Variants in NCOA2 observed in about 807,000 individuals in gnomAD.
The protein encoded by NCOA2 is nuclear receptor coactivator 2.
In NCOA2, 21 loss-of-function variants were observed where a neutral mutation model predicts 145.1. The observed-to-expected ratio is 0.14, with a 90% CI of 0.10 to 0.21. The LOEUF is 0.21. NCOA2 is among the 10% of genes least tolerant of loss of function. The pLI, the probability that NCOA2 is intolerant of heterozygous loss-of-function variation, is 1.00. For missense variants in NCOA2, 1,472 were observed against 1,837.6 expected, an observed-to-expected ratio of 0.80 and a Z score of 3.64; for synonymous variants, 619 against 637.5, an observed-to-expected ratio of 0.97 and a Z score of 0.44.
chr8:70,446,891 A>T, the NCOA2 span, among the ~76,000 whole-genome samples: 1 of 152,210 alleles, frequency 6.6e-6, no homozygotes, highest in Non-Finnish European at 1.5e-5. Flanking sequence ...AAATGCAACA[A>T]AGCCTTCACG....
chr8:70,128,619 G>A (rs1243044771), intron 17 of NCOA2, 83 bp downstream of exon 17: 1 of 1,588,748 alleles, frequency 6.3e-7, no homozygotes, highest in Non-Finnish European at 8.6e-7. Flanking sequence ...GCACATTGTT[G>A]GACAGCTGTG....
intron 1 of NCOA2, among the ~76,000 whole-genome samples, chr8:70,358,684 T>G (rs1809955134): frequency 6.6e-6 from 1 of 152,116 alleles, no homozygotes; most frequent in Non-Finnish European, 1.5e-5. Context: ...AGGCCAAATC[T>G]TTACAACCTT....
intron 1 of NCOA2, among the ~76,000 whole-genome samples, chr8:70,318,116 A>G (rs1202711850): frequency 6.6e-6 from 1 of 152,222 alleles, no homozygotes; most frequent in East Asian, 1.9e-4. Flanking sequence ...TTAGGCCCTC[A>G]GGTCAAGCCG....
chr8:70,348,440 G>A lies in NCOA2; in HGVS notation c.-76-51640C>T, dbSNP rs763275532. Among the ~76,000 whole-genome samples, 156 of 152,094 alleles carry A rather than the reference G, an allele frequency of 1.0e-3. 1 individual carries two copies. The highest frequency in any genetic ancestry group is 1.9e-3 in the Non-Finnish European group (131 of 68,002). ...CAGCTATGAGAACTACGTAATTTGGGGCTAAAGAGTGGTACAAAATTACTG... is the reference window on the plus strand; with the variant it reads ...CAGCTATGAGAACTACGTAATTTGGAGCTAAAGAGTGGTACAAAATTACTG... On this transcript the variant is annotated intron_variant, in intron 1 of 22. Coordinates refer to ENST00000452400, the MANE Select transcript of NCOA2 (RefSeq NM_006540.4).
chr8:70,126,617 GC>G (rs1414207049), intron 19 of NCOA2, 195 bp downstream of exon 19: 2 of 597,228 alleles, frequency 3.3e-6, no homozygotes, highest in Non-Finnish European at 6.0e-6. Flanking sequence ...TGAGCTGAGA[GC>G]CTGGAAGGTA....
intron 13 of NCOA2, among the ~76,000 whole-genome samples, chr8:70,141,661 A>T (rs934453604): frequency 2.0e-5 from 3 of 152,198 alleles, no homozygotes; most frequent in African/African-American, 7.2e-5. Context: ...ACTTAGAAAC[A>T]GGTGCCGTGG....
At chr8:70,178,785 G>A (rs983375374) in intron 4 of NCOA2, among the ~76,000 whole-genome samples, 3 of 152,188 alleles carry the variant, frequency 2.0e-5, no homozygotes, top group African/African-American at 7.2e-5. Flanking sequence ...ATATGCAAGT[G>A]GACAGCAAGA....
chr8:70,263,144 T>C (rs191554163), intron 2 of NCOA2, among the ~76,000 whole-genome samples: 34 of 147,374 alleles, frequency 2.3e-4, no homozygotes, highest in African/African-American at 7.3e-4. Context: ...CAAATAAGGG[T>C]CACTGGAACA....
At chr8:70,200,237 G>A (rs540835852) in intron 4 of NCOA2, among the ~76,000 whole-genome samples, 5 of 152,096 alleles carry the variant, frequency 3.3e-5, no homozygotes, top group Non-Finnish European at 7.4e-5. Flanking sequence ...ATTCAGAGGG[G>A]TGACTGCATA....
intron 2 of NCOA2, among the ~76,000 whole-genome samples, chr8:70,260,787 T>C (rs1463520483): frequency 3.9e-5 from 6 of 152,178 alleles, no homozygotes; most frequent in Non-Finnish European, 8.8e-5. Flanking sequence ...CCTTAAAAAA[T>C]GGACTGTCTG....
chr8:70,319,598 T>C (rs1199349781), intron 1 of NCOA2, among the ~76,000 whole-genome samples: 1 of 151,620 alleles, frequency 6.6e-6, no homozygotes, highest in Non-Finnish European at 1.5e-5. Flanking sequence ...TTTTAAAAAG[T>C]GATGCTTAAA....
At chr8:70,454,768 C>T in the NCOA2 span, among the ~76,000 whole-genome samples, 1 of 152,184 alleles carries the variant, frequency 6.6e-6, no homozygotes, top group South Asian at 2.1e-4. Context: ...ATGTGAGGCA[C>T]ATTTTGTGAG....
intron 1 of NCOA2, among the ~76,000 whole-genome samples, chr8:70,384,209 G>C (rs1353210765): frequency 1.3e-5 from 2 of 151,768 alleles, no homozygotes; most frequent in African/African-American, 4.8e-5. Flanking sequence ...GCTTTCCATG[G>C]TGATTCAAGT....
chr8:70,235,674 T>C (rs1821531538), intron 2 of NCOA2, among the ~76,000 whole-genome samples: 1 of 151,984 alleles, frequency 6.6e-6, no homozygotes. Context: ...CAAGACCTTG[T>C]CTCTACAAAA....
At chr8:70,287,874 C>T (rs16936880) in intron 2 of NCOA2, among the ~76,000 whole-genome samples, 27,682 of 152,066 alleles carry the variant, frequency 0.18, 3,403 homozygotes, top group East Asian at 0.4. Context: ...CAAAGTCAGC[C>T]TGAAACTTTA....
the NCOA2 span, chr8:70,424,484 C>T: frequency 3.8e-6 from 2 of 523,442 alleles, no homozygotes; most frequent in South Asian, 2.9e-5. Flanking sequence ...CCCTCAATGG[C>T]AGTGATGGCA....
At chr8:70,297,467 A>G (rs1414920238) in intron 1 of NCOA2, among the ~76,000 whole-genome samples, 4 of 152,138 alleles carry the variant, frequency 2.6e-5, no homozygotes, top group Admixed American at 2.6e-4. Flanking sequence ...CCAAGTAGCC[A>G]GGACTACAGG....
At chr8:70,236,857 T>A (rs189908575) in intron 2 of NCOA2, among the ~76,000 whole-genome samples, 1 of 152,316 alleles carries the variant, frequency 6.6e-6, no homozygotes, top group Non-Finnish European at 1.5e-5. Context: ...ATTGGTGGAC[T>A]TGGGTCTCCA....
chr8:70,144,770 C>T lies in NCOA2; in HGVS notation c.2684G>A (p.Ser895Asn). Residue 895 changes from serine (S) to asparagine (N), a missense_variant, in exon 13 of 23, where the codon AGC becomes AAC. Physicochemically the swap from Ser to Asn is conservative, Grantham distance 46. Transcript: ENST00000452400. ...QNLPLDITLQSPTGAGPFPPI... is the reference protein window; with the variant it reads ...QNLPLDITLQNPTGAGPFPPI... ...TGGGAAAGGTCCAGCACCAGTTGGG[C>T]TTTGCAATGTGATGTCAAGTGGTAA... The T allele has an allele frequency of 1.2e-6, 2 of 1,613,974 alleles. No homozygotes were observed. The highest frequency in any genetic ancestry group is 1.1e-5 in the South Asian group (1 of 91,088).
Sources: allele counts gnomAD v4.1 joint callset (sites outside exome capture counted in the v4.1 genomes callset), GRCh38; gene constraint gnomAD v4.1.1; transcripts MANE v1.5; gene names NCBI Gene and HGNC (gene_info 2026-07-23, HGNC 2026-07-21).